MBTD1: variants seen among roughly 807,000 people sequenced by gnomAD.
MBTD1 encodes the protein mbt domain containing 1, also known as MBT domain-containing protein 1.
In MBTD1, 24 loss-of-function variants were observed where a neutral mutation model predicts 87.8. That is an observed-to-expected ratio of 0.27 (90% CI 0.20 to 0.38). The LOEUF (loss-of-function observed/expected upper bound fraction) is 0.38, where lower values mean the gene tolerates loss of function less well. Ranked by LOEUF, MBTD1 falls within the 10% of genes least tolerant of loss-of-function variation. The probability of loss-of-function intolerance (pLI) is 1.00; values close to 1 mark genes in which losing one functional copy is unlikely to be tolerated. For synonymous variants in MBTD1, 237 were observed against 248.6 expected, an observed-to-expected ratio of 0.95 and a Z score of 0.44; for missense variants, 436 against 760.2, an observed-to-expected ratio of 0.57 and a Z score of 5.02.
At chr17:51,254,467 A>G (rs2054967773) in intron 2 of MBTD1, among the ~76,000 whole-genome samples, 1 of 152,238 alleles carries the variant, frequency 6.6e-6, no homozygotes, top group Admixed American at 6.5e-5. Flanking sequence ...TAATATTCTG[A>G]ATAACCCATC....
At chr17:51,224,413 T>C (rs2053093441) in intron 3 of MBTD1, among the ~76,000 whole-genome samples, 1 of 152,078 alleles carries the variant, frequency 6.6e-6, no homozygotes. Flanking sequence ...AAAGCAAAAC[T>C]TTCCAGACTC....
intron 6 of MBTD1, among the ~76,000 whole-genome samples, chr17:51,213,408 A>C (rs2052373729): frequency 1.3e-5 from 2 of 152,322 alleles, no homozygotes; most frequent in South Asian, 4.1e-4. Context: ...TAAATTACTA[A>C]TAGAAAATAA....
intron 2 of MBTD1, among the ~76,000 whole-genome samples, chr17:51,245,921 T>C (rs1393115630): frequency 2.6e-5 from 4 of 152,222 alleles, no homozygotes; most frequent in African/African-American, 9.6e-5. Context: ...TCTCATTAAA[T>C]TTCTAATTAA....
chr17:51,237,847 GT>G (rs2053939962), intron 2 of MBTD1, among the ~76,000 whole-genome samples: 1 of 152,144 alleles, frequency 6.6e-6, no homozygotes, highest in African/African-American at 2.4e-5. Context: ...AACACCAATG[GT>G]CATCATAGCC....
chr17:51,260,056 G>T (rs1390404093), upstream of MBTD1: 2 of 400,250 alleles, frequency 5.0e-6, no homozygotes, highest in Non-Finnish European at 8.7e-6. Flanking sequence ...CATTAGCATA[G>T]CCCTCCCTCC....
intron 12 of MBTD1, among the ~76,000 whole-genome samples, chr17:51,198,656 G>A (rs1375999073): frequency 6.6e-6 from 1 of 152,194 alleles, no homozygotes; most frequent in Non-Finnish European, 1.5e-5. Context: ...CACAGAGACT[G>A]TTGTCACATG....
At chr17:51,231,586 G>A (rs1305330764) in intron 2 of MBTD1, among the ~76,000 whole-genome samples, 1 of 151,996 alleles carries the variant, frequency 6.6e-6, no homozygotes, top group African/African-American at 2.4e-5. Flanking sequence ...GTACCTTTTA[G>A]GACTGTTTTA....
intron 15 of MBTD1, 88 bp from the exon 16 acceptor site, chr17:51,192,368 C>T: frequency 1.1e-6 from 1 of 914,612 alleles, no homozygotes; most frequent in South Asian, 1.5e-5. Flanking sequence ...TATGAACTAT[C>T]TTTACCAAGA....
chr17:51,245,675 G>A (rs1347019196), intron 2 of MBTD1, among the ~76,000 whole-genome samples: 1 of 151,882 alleles, frequency 6.6e-6, no homozygotes, highest in Non-Finnish European at 1.5e-5. Flanking sequence ...GTTTCCATAT[G>A]TAGTTGTGTC....
chr17:51,210,140 T>A (rs1328331071), intron 6 of MBTD1, among the ~76,000 whole-genome samples: 1 of 152,114 alleles, frequency 6.6e-6, no homozygotes, highest in Admixed American at 6.5e-5. Context: ...TAGCTGGGAT[T>A]ACAGGCGCAT....
At position 51,179,527 on chromosome 17, in the gene MBTD1, T is replaced by TATATATATATATAG. The variant is rs2050230468; in HGVS notation, c.*1048_*1049insCTATATATATATAT. The TATATATATATATAG allele has an allele frequency of 8.9e-6, 1 of 112,672 alleles. No homozygotes were observed. Among genetic ancestry groups the TATATATATATATAG allele is most frequent in the Non-Finnish European group, 1.9e-5 (1 of 51,622 alleles). The allele number at this position is 112,672 out of a possible 1,614,324, so 7.0% of individuals were successfully genotyped here. On this transcript the variant is annotated 3_prime_UTR_variant, in exon 17 of 17. Transcript: ENST00000586178. ...ATATATATATATATATATATATATA[T>TATATATATATATAG]ATATATATATGGAATTTTAAGAAAA...
At chr17:51,195,779 C>T (rs1248094065) in intron 12 of MBTD1, among the ~76,000 whole-genome samples, 4 of 152,236 alleles carry the variant, frequency 2.6e-5, no homozygotes, top group African/African-American at 9.6e-5. Flanking sequence ...TCTCTACCTT[C>T]TTCAAGCTCC....
At chr17:51,246,771 G>C (rs2054461822) in intron 2 of MBTD1, among the ~76,000 whole-genome samples, 1 of 152,074 alleles carries the variant, frequency 6.6e-6, no homozygotes, top group African/African-American at 2.4e-5. Context: ...GAGTAGCTGG[G>C]ACTACAGGCA....
chr17:51,260,381 C>T (rs1440544152), upstream of MBTD1: 2 of 597,972 alleles, frequency 3.3e-6, no homozygotes, highest in Admixed American at 3.5e-5. Context: ...GGAAGATTGG[C>T]CCTCCCGGAG....
chr17:51,255,356 C>T (rs1016931719), intron 2 of MBTD1, among the ~76,000 whole-genome samples: 1 of 151,888 alleles, frequency 6.6e-6, no homozygotes, highest in African/African-American at 2.4e-5. Flanking sequence ...CCTAAAAACA[C>T]TTGATCTGAA....
At chr17:51,223,064 A>G (rs908186852) in intron 3 of MBTD1, among the ~76,000 whole-genome samples, 5 of 151,734 alleles carry the variant, frequency 3.3e-5, no homozygotes, top group Non-Finnish European at 5.9e-5. Context: ...TCGGCCTCCC[A>G]AAGTGCTGGG....
intron 16 of MBTD1, among the ~76,000 whole-genome samples, chr17:51,182,074 C>G (rs922455915): frequency 6.6e-6 from 1 of 151,740 alleles, no homozygotes; most frequent in African/African-American, 2.4e-5. Context: ...CACGGATCTG[C>G]TAAATCAGAA....
At chr17:51,258,187 AATTT>A (rs1476163827) in intron 2 of MBTD1, among the ~76,000 whole-genome samples, 1 of 152,174 alleles carries the variant, frequency 6.6e-6, no homozygotes, top group Non-Finnish European at 1.5e-5. Context: ...CTTAAGGTGA[AATTT>A]ATTTGCTGGC....
At position 51,193,560 on chromosome 17, in the gene MBTD1, T is replaced by G. The variant is rs374070158; in HGVS notation, c.1373-50A>C. ...AGCAGTTCATTTAAAATTAGCATAA[T>G]ATTAAAATGCAGACAAAAAGTAACA... On this transcript the variant is annotated intron_variant, in intron 13 of 16. Coordinates refer to ENST00000586178, the MANE Select transcript of MBTD1 (RefSeq NM_017643.3). The G allele has an allele frequency of 2.4e-5, 24 of 1,000,080 alleles. No homozygotes were observed. In the African/African-American group the frequency reaches 3.8e-4, roughly 16 times the overall value. 62.0% of individuals were successfully genotyped at this position (1,000,080 alleles called of 1,614,324 possible).
Sources: gnomAD v4.1 joint callset for allele counts (sites outside exome capture counted in the v4.1 genomes callset) on GRCh38, gnomAD v4.1.1 for gene constraint, MANE v1.5 for transcripts, NCBI Gene and HGNC (gene_info 2026-07-23, HGNC 2026-07-21) for gene names.